Variants in FGF13 observed in about 807,000 individuals in gnomAD.
The protein encoded by FGF13 is fibroblast growth factor 13, also known as fibroblast growth factor homologous factor 2.
Under a neutral mutation model 19.5 loss-of-function variants are expected in FGF13, and 2 were observed. The ratio of observed to expected loss-of-function variants is 0.10; its 90% CI spans 0.04 to 0.32. FGF13 has a LOEUF of 0.32. Ranked by LOEUF, FGF13 falls within the 10% of genes least tolerant of loss-of-function variation. The pLI is 1.00. For synonymous variants in FGF13, 72 were observed against 76.9 expected (o/e 0.94, Z 0.33); for missense variants, 113 against 192.7 (o/e 0.59, Z 2.45).
In FGF13 at chrX:138,861,192, T is replaced by G. The variant is rs1384973494; in HGVS notation, c.-39+3385A>C. Among the ~76,000 whole-genome samples the G allele has an allele frequency of 2.7e-5, 3 of 112,212 alleles. No homozygotes were observed. The Admixed American group carries it at 2.8e-4, about 11-fold the overall frequency. ...GCCATTGTCAAGGTTAAGGACACAGTCAGGGAGCAGTCATGGTAAGAGGAG... is the reference window on the plus strand; with the variant it reads ...GCCATTGTCAAGGTTAAGGACACAGGCAGGGAGCAGTCATGGTAAGAGGAG... On this transcript the variant is annotated intron_variant, in intron 2 of 2. Coordinates refer to the FGF13 transcript ENST00000421460.
At chrX:138,914,581 G>T (rs1407163810) in intron 1 of FGF13, among the ~76,000 whole-genome samples, 3 of 102,339 alleles carry the variant, frequency 2.9e-5, no homozygotes, top group Admixed American at 1.1e-4. Context: ...ACCACCAATG[G>T]TTTCCAAAGG....
chrX:139,123,279 T>C (rs1363821604), intron 1 of FGF13, among the ~76,000 whole-genome samples: 1 of 111,769 alleles, frequency 8.9e-6, no homozygotes, highest in Non-Finnish European at 1.9e-5. Flanking sequence ...TAAAAGCTTC[T>C]TATTGTATTT....
intron 1 of FGF13, among the ~76,000 whole-genome samples, chrX:138,889,939 T>G (rs2091468571): frequency 1.8e-5 from 2 of 109,331 alleles, no homozygotes; most frequent in Non-Finnish European, 3.8e-5. Flanking sequence ...GAACTTTTTT[T>G]TTTTTTTGAG....
intron 2 of FGF13, among the ~76,000 whole-genome samples, chrX:138,863,101 G>C (rs1212270148): frequency 9.1e-6 from 1 of 110,490 alleles, no homozygotes; most frequent in Non-Finnish European, 1.9e-5. Context: ...TGTCCTTCAG[G>C]GTTCCACTAA....
At chrX:138,851,030 G>A (rs1199897979) in intron 3 of FGF13, among the ~76,000 whole-genome samples, 1 of 111,285 alleles carries the variant, frequency 9.0e-6, no homozygotes, top group African/African-American at 3.3e-5. Flanking sequence ...GAGGATAATG[G>A]CCTCTGGATC....
chrX:138,807,971 G>A (rs890018808), intron 3 of FGF13, among the ~76,000 whole-genome samples: 5 of 111,416 alleles, frequency 4.5e-5, no homozygotes, highest in Non-Finnish European at 9.4e-5. Flanking sequence ...AAGAGACTTA[G>A]ACTCCCACAC....
At chrX:138,892,828 T>A (rs1012417317) in intron 1 of FGF13, among the ~76,000 whole-genome samples, 1 of 109,190 alleles carries the variant, frequency 9.2e-6, no homozygotes, top group African/African-American at 3.3e-5. Flanking sequence ...ATATGGGTGG[T>A]AGACATACTT....
intron 1 of FGF13, among the ~76,000 whole-genome samples, chrX:139,139,722 A>G (rs1213174912): frequency 1.8e-5 from 2 of 112,295 alleles, no homozygotes; most frequent in Non-Finnish European, 3.8e-5. Flanking sequence ...ACTTAGAACT[A>G]CATGCTAAGC....
chrX:139,118,069 ACAGTCCTATAGGGGAACACAG>A (rs778454106), intron 1 of FGF13, among the ~76,000 whole-genome samples: 81 of 111,705 alleles, frequency 7.3e-4, no homozygotes, highest in Non-Finnish European at 9.2e-4. Context: ...TGCAGTTCGC[ACAGTCCTATAGGGGAACACAG>A]GAGAAGAGGA....
chrX:138,691,931 T>C (rs959449918), intron 3 of FGF13, among the ~76,000 whole-genome samples: 2 of 112,052 alleles, frequency 1.8e-5, no homozygotes, highest in Non-Finnish European at 3.8e-5. Flanking sequence ...TGCCCGTTAT[T>C]AACCTTGGTT....
chrX:139,185,850 A>G (rs538046448), intron 1 of FGF13, among the ~76,000 whole-genome samples: 1 of 112,346 alleles, frequency 8.9e-6, no homozygotes, highest in East Asian at 2.8e-4. Context: ...TATAAAGCAC[A>G]TAAGTGATTT....
chrX:138,782,832 C>A (rs1216838270), intron 3 of FGF13, among the ~76,000 whole-genome samples: 11 of 98,829 alleles, frequency 1.1e-4, no homozygotes, highest in African/African-American at 4.1e-4. Context: ...TCATATGGAA[C>A]CAAAAAAGAG....
chrX:138,846,097 C>T (rs978978816), intron 3 of FGF13, among the ~76,000 whole-genome samples: 8 of 110,375 alleles, frequency 7.2e-5, no homozygotes, highest in African/African-American at 2.6e-4. Context: ...GAAAGGACTC[C>T]AGTAGAGGAA....
At chrX:139,004,585 G>A (rs913929777) in intron 1 of FGF13, among the ~76,000 whole-genome samples, 4 of 112,679 alleles carry the variant, frequency 3.5e-5, no homozygotes, top group African/African-American at 6.4e-5. Flanking sequence ...ACGCTGTCAC[G>A]TCTCACCAGC....
intron 1 of FGF13, among the ~76,000 whole-genome samples, chrX:139,074,867 C>T (rs2092387262): frequency 8.9e-6 from 1 of 111,960 alleles, no homozygotes; most frequent in East Asian, 2.8e-4. Context: ...GCCTGCTCTT[C>T]CTTCCTTCAG....
At chrX:138,989,820 G>A (rs1263011582) in intron 1 of FGF13, among the ~76,000 whole-genome samples, 4 of 109,474 alleles carry the variant, frequency 3.7e-5, no homozygotes, top group Admixed American at 1.9e-4. Context: ...AAACTACTTC[G>A]AAAAAGCACC....
At chrX:138,709,615 A>G (rs1285938822) in intron 1 of FGF13, among the ~76,000 whole-genome samples, 1 of 112,331 alleles carries the variant, frequency 8.9e-6, no homozygotes, top group Non-Finnish European at 1.9e-5. Context: ...TTCAAATTTC[A>G]TATCAGAAGT....
intron 3 of FGF13, among the ~76,000 whole-genome samples, chrX:138,791,143 A>G (rs2090739501): frequency 8.9e-6 from 1 of 112,716 alleles, no homozygotes; most frequent in African/African-American, 3.2e-5. Context: ...TGTCCATAGC[A>G]TTTACATTGT....
chrX:139,145,675 A>G (rs1056625425), intron 1 of FGF13, among the ~76,000 whole-genome samples: 3 of 109,475 alleles, frequency 2.7e-5, no homozygotes, highest in Admixed American at 2.0e-4. Flanking sequence ...TTCCCCACCA[A>G]TGCCTCCACT....
Sources: allele counts gnomAD v4.1 joint callset (sites outside exome capture counted in the v4.1 genomes callset), GRCh38; gene constraint gnomAD v4.1.1; transcripts MANE v1.5; gene names NCBI Gene and HGNC (gene_info 2026-07-23, HGNC 2026-07-21).